The following DNAH8 variants were observed in gnomAD, a reference collection of about 807,000 sequenced individuals.
DNAH8 encodes axonemal beta dynein heavy chain 8.
In DNAH8, 382 loss-of-function variants were observed where a neutral mutation model predicts 562.1. The observed-to-expected ratio is 0.68, with a 90% CI of 0.63 to 0.74. The LOEUF (loss-of-function observed/expected upper bound fraction) is 0.74, where lower values mean the gene tolerates loss of function less well. Among genes scored for constraint, DNAH8 ranks in the 30% least tolerant of loss-of-function variants. The probability of loss-of-function intolerance (pLI) is 0.00; values close to 1 mark genes in which losing one functional copy is unlikely to be tolerated. For synonymous variants in DNAH8, 1,881 were observed against 1,919.4 expected, an observed-to-expected ratio of 0.98 and a Z score of 0.52; for missense variants, 5,203 against 5,620.4, an observed-to-expected ratio of 0.93 and a Z score of 2.37.
intron 73 of DNAH8, among the ~76,000 whole-genome samples, chr6:38,925,207 AT>A (rs1257387635): frequency 6.6e-6 from 1 of 152,216 alleles, no homozygotes; most frequent in Non-Finnish European, 1.5e-5. Context: ...GGGCCAGAAT[AT>A]TCTTTATTAA....
intron 24 of DNAH8, among the ~76,000 whole-genome samples, chr6:38,811,323 C>T (rs1771775980): frequency 6.6e-6 from 1 of 152,198 alleles, no homozygotes; most frequent in Admixed American, 6.5e-5. Flanking sequence ...TGCCAGGACA[C>T]AGTGAATCTG....
chr6:38,835,533 A>G (rs111508067), intron 32 of DNAH8, among the ~76,000 whole-genome samples: 6 of 152,314 alleles, frequency 3.9e-5, no homozygotes, highest in African/African-American at 1.4e-4. Context: ...GGCTTCCTGA[A>G]AGAGGAAGAA....
At chr6:38,865,784 A>G (rs1776987217) in intron 45 of DNAH8, among the ~76,000 whole-genome samples, 1 of 152,186 alleles carries the variant, frequency 6.6e-6, no homozygotes, top group African/African-American at 2.4e-5. Context: ...TGGCTCAGGA[A>G]GGTTAAGAGG....
intron 78 of DNAH8, 143 bp downstream of exon 78, chr6:38,938,369 A>G (rs1783138671): frequency 2.1e-6 from 2 of 955,656 alleles, no homozygotes; most frequent in Non-Finnish European, 3.1e-6. Context: ...GAGTGGATAA[A>G]GAAAAGGTGG....
rs868098416 is a variant in DNAH8 at position 38,873,013 on chromosome 6, C to T, written c.7345C>T (p.Arg2449Cys). ...AACTCTGACGTTAGCTAATGGAGAT[C>T]GCATTCCCATGGCCCCTAGTTGTAA... ...NKTLTLANGD[R>C]IPMAPSCKLL... Residue 2449 changes from arginine to cysteine, a missense_variant, in exon 51 of 93, where the codon CGC becomes TGC. Arg to Cys is a radical substitution (Grantham distance 180, BLOSUM62 -3). Around this residue, in one of 6 missense-constraint regions of DNAH8, gnomAD observed 977 missense variants for 1,061.8 expected, o/e 0.92. Transcript: ENST00000327475. 1 of 1,614,146 alleles carries T rather than the reference C, an allele frequency of 6.2e-7. No homozygotes were observed. The highest frequency in any genetic ancestry group is 8.5e-7 in the Non-Finnish European group (1 of 1,180,010).
intron 76 of DNAH8, among the ~76,000 whole-genome samples, chr6:38,933,694 C>T (rs1000148213): frequency 3.3e-5 from 5 of 152,184 alleles, no homozygotes; most frequent in South Asian, 4.1e-4. Flanking sequence ...TGCTCTTTAT[C>T]GCCCCATCAA....
rs765192141 is a variant in DNAH8 at position 38,790,404 on chromosome 6, A to C, written c.2780A>C (p.Lys927Thr). Residue 927 changes from lysine to threonine, a missense_variant and splice_region_variant, in exon 20 of 93, where the codon AAG becomes ACG. Transcript: ENST00000327475. ...VLDMFNQLLK[K>T]ISDLCEMHID... ...GATATGTTCAATCAACTTTTAAAGA[A>C]GGTATGATCTATACATTTAAAAAGC... is the stretch of plus-strand genomic sequence containing the variant. 4 of 1,436,758 alleles carry C rather than the reference A, an allele frequency of 2.8e-6. No individual in the cohort carries two copies. The highest frequency in any genetic ancestry group is 3.9e-6 in the Non-Finnish European group (4 of 1,029,792). 89.0% of individuals were successfully genotyped at this position (1,436,758 alleles called of 1,614,324 possible). A position where few individuals can be genotyped will look rare whatever the true frequency, so the allele number is the denominator to read the frequency against.
At chr6:38,971,472 A>ATTTTT (rs3047889) in intron 82 of DNAH8, 120 bp from the exon 83 acceptor site, 40 of 472,108 alleles carry the variant, frequency 8.5e-5, no homozygotes, top group South Asian at 1.3e-4. Flanking sequence ...AACAGCAAAG[A>ATTTTT]TTTTTTTTTT....
rs761380037 is a variant in DNAH8 at position 38,984,284 on chromosome 6, C to T, written c.13030C>T (p.Arg4344Cys). 1.4e-5 allele frequency: 22 copies of T among 1,606,560 alleles called. No individual in the cohort carries two copies. The highest frequency in any genetic ancestry group is 3.3e-5 in the Admixed American group (2 of 59,980). ...GGRVTDDFDK[R>C]LLNCFARVWF... is the part of the protein sequence containing the mutation. The stretch of plus-strand genomic sequence containing the variant: ...CAGAGTGACAGATGACTTTGACAAA[C>T]GTCTACTTAATTGCTTTGCCAGAGT... The change falls in exon 87 of 93, where the codon CGT becomes TGT. Residue 4344 changes from arginine (R) to cysteine (C), a missense_variant. Around this residue, in one of 6 missense-constraint regions of DNAH8, gnomAD observed 1,399 missense variants for 1,518.4 expected, o/e 0.92. Coordinates refer to ENST00000327475, the MANE Select transcript of DNAH8 (RefSeq NM_001206927.2).
chr6:38,922,045 ACAGG>A, intron 71 of DNAH8, among the ~76,000 whole-genome samples: 1 of 75,384 alleles, frequency 1.3e-5, no homozygotes, highest in African/African-American at 3.2e-5. Context: ...TAAGGCAGGA[ACAGG>A]CCATTTTCAC....
chr6:38,769,944 C>T (rs1767400634), intron 11 of DNAH8, among the ~76,000 whole-genome samples: 1 of 152,160 alleles, frequency 6.6e-6, no homozygotes, highest in Admixed American at 6.5e-5. Flanking sequence ...ATTATGTTCA[C>T]AAACCAGACC....
chr6:39,016,854 T>C (rs1438418737), intron 91 of DNAH8, among the ~76,000 whole-genome samples: 1 of 152,184 alleles, frequency 6.6e-6, no homozygotes, highest in Non-Finnish European at 1.5e-5. Context: ...CATGCCTTGC[T>C]TGCCCCTGGT....
chr6:38,776,814 G>C (rs1326473396), intron 13 of DNAH8, among the ~76,000 whole-genome samples: 2 of 152,136 alleles, frequency 1.3e-5, no homozygotes, highest in South Asian at 4.1e-4. Flanking sequence ...CACCTTTTGG[G>C]CTATATGACC....
intron 88 of DNAH8, among the ~76,000 whole-genome samples, chr6:38,991,937 T>C (rs905264398): frequency 6.6e-6 from 1 of 151,830 alleles, no homozygotes; most frequent in African/African-American, 2.4e-5. Flanking sequence ...TGCTCTTCTC[T>C]ATAGTTTGTA....
chr6:38,910,415 CT>C (rs1276482638), intron 65 of DNAH8, among the ~76,000 whole-genome samples: 2 of 152,198 alleles, frequency 1.3e-5, no homozygotes, highest in African/African-American at 4.8e-5. Context: ...TTGCGTAACA[CT>C]TTCATTGATT....
At chr6:38,745,183 A>C (rs796468278) in intron 8 of DNAH8, among the ~76,000 whole-genome samples, 9 of 152,314 alleles carry the variant, frequency 5.9e-5, no homozygotes, top group African/African-American at 1.7e-4. Flanking sequence ...AACACAACCT[A>C]CTGCAGGTGC....
chr6:38,868,690 T>C (rs1777249460), intron 48 of DNAH8, among the ~76,000 whole-genome samples: 1 of 150,380 alleles, frequency 6.6e-6, no homozygotes, highest in Non-Finnish European at 1.5e-5. Context: ...TTTTTTTTTC[T>C]TTGAAACAGA....
chr6:38,931,039 A>C (rs1782515848), intron 75 of DNAH8, among the ~76,000 whole-genome samples: 1 of 152,098 alleles, frequency 6.6e-6, no homozygotes, highest in Non-Finnish European at 1.5e-5. Flanking sequence ...TGACATATTT[A>C]ATATGCCAAA....
At chr6:38,935,740 A>G (rs747588879) in intron 77 of DNAH8, 43 bp downstream of exon 77, 67 of 1,404,758 alleles carry the variant, frequency 4.8e-5, no homozygotes, top group Non-Finnish European at 6.5e-5. Context: ...GATTCTGAAT[A>G]AGGATTTCAT....
Sources: allele counts gnomAD v4.1 joint callset (sites outside exome capture counted in the v4.1 genomes callset), GRCh38; gene constraint gnomAD v4.1.1; regional missense constraint gnomAD v4.1.1; transcripts MANE v1.5; gene names NCBI Gene and HGNC (gene_info 2026-07-23, HGNC 2026-07-21).